KPNA1: variants seen among roughly 807,000 people sequenced by gnomAD.
KPNA1 encodes the protein importin subunit alpha-5.
Under a neutral mutation model 70.5 loss-of-function variants are expected in KPNA1, and 10 were observed. The observed-to-expected ratio is 0.14, with a 90% CI of 0.09 to 0.24. KPNA1 has a LOEUF of 0.24. Ranked by LOEUF, KPNA1 falls within the 10% of genes least tolerant of loss-of-function variation. The pLI is 1.00. For synonymous variants in KPNA1, 192 were observed against 221.9 expected (o/e 0.87, Z 1.20); for missense variants, 397 against 637.9 (o/e 0.62, Z 4.07).
At chr3:122,486,231 TCAA>T (rs2076627310) in intron 2 of KPNA1, among the ~76,000 whole-genome samples, 1 of 152,202 alleles carries the variant, frequency 6.6e-6, no homozygotes, top group Non-Finnish European at 1.5e-5. Flanking sequence ...CAAATTTCCA[TCAA>T]CAAGTGAATG....
At chr3:122,430,435 T>C (rs957122729) in intron 12 of KPNA1, among the ~76,000 whole-genome samples, 2 of 151,984 alleles carry the variant, frequency 1.3e-5, no homozygotes, top group Middle Eastern at 3.2e-3. Flanking sequence ...GGTTTTGATA[T>C]ATACAATGTT....
At chr3:122,495,903 T>G (rs186996771) in intron 2 of KPNA1, among the ~76,000 whole-genome samples, 4 of 152,152 alleles carry the variant, frequency 2.6e-5, no homozygotes. Context: ...ACATATTCTG[T>G]GAATGAAATT....
intron 2 of KPNA1, among the ~76,000 whole-genome samples, chr3:122,468,466 A>G (rs1222764736): frequency 6.6e-6 from 1 of 152,226 alleles, no homozygotes; most frequent in Non-Finnish European, 1.5e-5. Flanking sequence ...TCATTCTAGG[A>G]GATCAGCATT....
In KPNA1 at chr3:122,424,160, T is replaced by C. The variant is rs2075791483; in HGVS notation, c.*2825A>G. ...TAATATAGATTGGAAGTTTGGAGGA[T>C]GGAGGGGAATAAAAAGGAAAAGTAA... is the stretch of plus-strand genomic sequence containing the variant. On this transcript the variant is annotated 3_prime_UTR_variant, in exon 14 of 14. Coordinates refer to ENST00000344337, the MANE Select transcript of KPNA1 (RefSeq NM_002264.4). 1 of 152,104 alleles carries C rather than the reference T, an allele frequency of 6.6e-6. No homozygotes were observed. The highest frequency in any genetic ancestry group is 1.5e-5 in the Non-Finnish European group (1 of 68,004). 9.4% of individuals were successfully genotyped at this position (152,104 alleles called of 1,614,324 possible).
At chr3:122,470,252 C>A (rs1362293633) in intron 2 of KPNA1, among the ~76,000 whole-genome samples, 1 of 152,268 alleles carries the variant, frequency 6.6e-6, no homozygotes, top group African/African-American at 2.4e-5. Context: ...GTGGCTCACA[C>A]CTGTACTCCC....
At chr3:122,450,256 C>A (rs920984829) in intron 8 of KPNA1, among the ~76,000 whole-genome samples, 7 of 152,088 alleles carry the variant, frequency 4.6e-5, no homozygotes, top group African/African-American at 1.7e-4. Context: ...AGACAATTCT[C>A]AAAAGAAGAT....
chr3:122,425,362 T>TTAA lies in KPNA1; in HGVS notation c.*1622_*1623insTTA, dbSNP rs1245364831. On this transcript the variant is annotated 3_prime_UTR_variant, in exon 14 of 14. Transcript: ENST00000344337. ...TTGTCAGGGGCAACTTCCAAATAGTTTTTACACTTTGGGGTTATAATGAAT... is the reference window on the plus strand; with the variant it reads ...TTGTCAGGGGCAACTTCCAAATAGTTTAATTTACACTTTGGGGTTATAATGAAT... The TTAA allele has an allele frequency of 6.6e-6, 1 of 152,622 alleles. No homozygotes were observed. Among genetic ancestry groups the TTAA allele is most frequent in the African/African-American group, 2.4e-5 (1 of 41,438 alleles). The allele number at this position is 152,622 out of a possible 1,614,324, so 9.5% of individuals were successfully genotyped here.
chr3:122,500,978 A>G (rs560111457), intron 1 of KPNA1, among the ~76,000 whole-genome samples: 1 of 150,282 alleles, frequency 6.7e-6, no homozygotes, highest in Admixed American at 6.7e-5. Flanking sequence ...CAGTCACTTA[A>G]AGTGGAAAGT....
Position 122,437,691 on chromosome 3 carries a change from C to T in KPNA1, c.997-396G>A, listed in dbSNP as rs540323945. 4.6e-5 allele frequency among the ~76,000 whole-genome samples: 7 copies of T among 152,086 alleles called. No individual in the cohort carries two copies. In the South Asian group the frequency reaches 1.0e-3, roughly 23 times the overall value. On this transcript the variant is annotated intron_variant, in intron 10 of 13. Coordinates refer to ENST00000344337, the MANE Select transcript of KPNA1 (RefSeq NM_002264.4). Reference sequence around the variant, plus strand: ...CTACTTGGTAGTCAATGAACGAATACGTACTTAATGAGGTATATTAGATGC... The same window carrying T: ...CTACTTGGTAGTCAATGAACGAATATGTACTTAATGAGGTATATTAGATGC...
Position 122,483,753 on chromosome 3 carries a change from GCTTTT to G in KPNA1, c.129+12679_129+12683del, listed in dbSNP as rs1253771135. Among the ~76,000 whole-genome samples the G allele has an allele frequency of 1.9e-4, 29 of 152,098 alleles. 1 individual carries two copies. The highest frequency in any genetic ancestry group is 1.9e-3 in the Admixed American group (29 of 15,280). ...CTCATCCCATTTTTTAAGTGTAAATGCTTTTCTTAAGAGGTGAAATCATTTGCTGG... is the reference window on the plus strand; with the variant it reads ...CTCATCCCATTTTTTAAGTGTAAATGCTTAAGAGGTGAAATCATTTGCTGG... On this transcript the variant is annotated intron_variant, in intron 2 of 13. Transcript: ENST00000344337.
At chr3:122,464,086 A>T in intron 3 of KPNA1, 45 bp from the exon 4 acceptor site, 1 of 1,017,098 alleles carries the variant, frequency 9.8e-7, no homozygotes, top group Non-Finnish European at 1.4e-6. Context: ...TATCACCCTT[A>T]ATTCAAAGGA....
intron 11 of KPNA1, among the ~76,000 whole-genome samples, 181 bp from the exon 12 acceptor site, chr3:122,433,969 C>T (rs2075951026): frequency 6.6e-6 from 1 of 152,036 alleles, no homozygotes; most frequent in Non-Finnish European, 1.5e-5. Context: ...TGGAGTCTCA[C>T]TCTGTTGCCC....
intron 1 of KPNA1, among the ~76,000 whole-genome samples, chr3:122,500,874 CTAT>C (rs767215648): frequency 2.6e-5 from 4 of 151,004 alleles, no homozygotes; most frequent in Non-Finnish European, 5.9e-5. Flanking sequence ...TTAATGCTCT[CTAT>C]TGTTTTCCTA....
At chr3:122,486,526 T>G (rs1359582560) in intron 2 of KPNA1, among the ~76,000 whole-genome samples, 1 of 152,178 alleles carries the variant, frequency 6.6e-6, no homozygotes, top group East Asian at 1.9e-4. Flanking sequence ...GTGATGGTTT[T>G]CACAGACTGT....
chr3:122,478,887 C>A (rs1426481656), intron 2 of KPNA1, among the ~76,000 whole-genome samples: 3 of 98,736 alleles, frequency 3.0e-5, no homozygotes, highest in Non-Finnish European at 4.2e-5. Context: ...AGAGCAAAAC[C>A]TCGTCTCAAA....
chr3:122,427,840 C>T, intron 12 of KPNA1, 124 bp from the exon 13 acceptor site: 2 of 578,676 alleles, frequency 3.5e-6, no homozygotes, highest in Non-Finnish European at 5.6e-6. Context: ...AACAAGCACT[C>T]TTTCAACCAT....
intron 1 of KPNA1, among the ~76,000 whole-genome samples, chr3:122,504,754 C>T (rs1044735273): frequency 6.6e-6 from 1 of 152,098 alleles, no homozygotes; most frequent in Non-Finnish European, 1.5e-5. Flanking sequence ...AGTTTCACTC[C>T]TTTCACTCTA....
chr3:122,434,535 G>A (rs1454216010), intron 11 of KPNA1, among the ~76,000 whole-genome samples: 9 of 152,126 alleles, frequency 5.9e-5, no homozygotes, highest in Non-Finnish European at 8.8e-5. Flanking sequence ...TCATCTGCCC[G>A]CTATATCAAG....
chr3:122,445,139 G>A (rs539990791), intron 9 of KPNA1, among the ~76,000 whole-genome samples: 21 of 152,250 alleles, frequency 1.4e-4, no homozygotes, highest in African/African-American at 5.1e-4. Flanking sequence ...CCCATTGCAA[G>A]GAAGCTAAAA....
Sources: allele counts gnomAD v4.1 joint callset (sites outside exome capture counted in the v4.1 genomes callset), GRCh38; gene constraint gnomAD v4.1.1; transcripts MANE v1.5; gene names NCBI Gene and HGNC (gene_info 2026-07-23, HGNC 2026-07-21).